The following ASTN2 variants were observed in gnomAD, a reference collection of about 807,000 sequenced individuals.
ASTN2 encodes astrotactin 2.
ASTN2 carries 54 observed loss-of-function variants against 139.8 expected under a neutral mutation model. The observed-to-expected ratio is 0.39, with a 90% CI of 0.31 to 0.48. The LOEUF (loss-of-function observed/expected upper bound fraction) is 0.48. Ranked by LOEUF, ASTN2 falls within the 20% of genes least tolerant of loss-of-function variation. The probability of loss-of-function intolerance (pLI) is 0.95; values close to 1 mark genes in which losing one functional copy is unlikely to be tolerated. For missense variants in ASTN2, 1,565 were observed against 1,725.1 expected (o/e 0.91, Z 1.64); for synonymous variants, 756 against 719.5 (o/e 1.05, Z -0.81).
chr9:117,016,602 ATCTATATCTATATCTATCTATC>A (rs1355630316), intron 6 of ASTN2, among the ~76,000 whole-genome samples: 6,489 of 35,000 alleles, frequency 0.19, 684 homozygotes, highest in Middle Eastern at 0.23. Flanking sequence ...TTATATATAT[ATCTATATCTATATCTATCTATC>A]TATATATATA....
At chr9:116,648,689 T>G (rs1021410035) in intron 17 of ASTN2, among the ~76,000 whole-genome samples, 1 of 152,160 alleles carries the variant, frequency 6.6e-6, no homozygotes, top group Admixed American at 6.6e-5. Context: ...GCTAGTTAGT[T>G]TTAATAAACT....
intron 13 of ASTN2, among the ~76,000 whole-genome samples, chr9:116,775,170 G>A (rs1286905310): frequency 1.3e-5 from 2 of 152,016 alleles, no homozygotes; most frequent in East Asian, 3.9e-4. Flanking sequence ...TAAACAAGGA[G>A]CTCCAGGCCC....
At chr9:116,886,313 A>G (rs937402325) in intron 10 of ASTN2, among the ~76,000 whole-genome samples, 2 of 152,252 alleles carry the variant, frequency 1.3e-5, no homozygotes, top group Non-Finnish European at 2.9e-5. Context: ...AGTACCTCAA[A>G]GGCAGACTGC....
intron 7 of ASTN2, among the ~76,000 whole-genome samples, chr9:116,998,549 T>TCATCCATCCATCCATCCATCCATC (rs35712923): frequency 0.034 from 5,175 of 150,616 alleles, 210 homozygotes; most frequent in African/African-American, 0.094. Context: ...AATTTGATTT[T>TCATCCATCCATCCATCCATCCATC]CATCCATCCA....
chr9:116,956,099 T>C (rs927247851), intron 10 of ASTN2, among the ~76,000 whole-genome samples: 34 of 146,658 alleles, frequency 2.3e-4, no homozygotes, highest in African/African-American at 6.9e-4. Flanking sequence ...CTTTTCTTTT[T>C]TTTTTTTTTT....
intron 19 of ASTN2, among the ~76,000 whole-genome samples, chr9:116,511,476 T>C (rs1479246036): frequency 6.6e-6 from 1 of 152,202 alleles, no homozygotes; most frequent in Admixed American, 6.5e-5. Flanking sequence ...TTTTTTGTTG[T>C]GTCTCTGCCA....
intron 1 of ASTN2, among the ~76,000 whole-genome samples, chr9:117,377,077 T>C (rs768435935): frequency 1.3e-5 from 2 of 152,126 alleles, no homozygotes; most frequent in Admixed American, 6.5e-5. Flanking sequence ...ATAAATGCAA[T>C]GCATTATTCA....
At chr9:117,278,527 C>T (rs747471288) in intron 2 of ASTN2, among the ~76,000 whole-genome samples, 8 of 152,134 alleles carry the variant, frequency 5.3e-5, no homozygotes, top group Non-Finnish European at 1.0e-4. Flanking sequence ...CTGCCTAACC[C>T]CTTCCCCCTC....
intron 13 of ASTN2, among the ~76,000 whole-genome samples, chr9:116,743,513 T>C (rs971457031): frequency 6.6e-6 from 1 of 151,208 alleles, no homozygotes; most frequent in African/African-American, 2.4e-5. Flanking sequence ...GCCGAGATCA[T>C]GCCGCTGCAC....
At chr9:116,947,413 G>A (rs1043768842) in intron 10 of ASTN2, among the ~76,000 whole-genome samples, 3 of 152,162 alleles carry the variant, frequency 2.0e-5, no homozygotes, top group Non-Finnish European at 4.4e-5. Context: ...ATCTCACTGA[G>A]TAATTTATGT....
At chr9:117,362,298 G>A (rs1172249054) in intron 1 of ASTN2, among the ~76,000 whole-genome samples, 1 of 152,066 alleles carries the variant, frequency 6.6e-6, no homozygotes, top group Non-Finnish European at 1.5e-5. Flanking sequence ...CTTTGAGACA[G>A]TTCCCATGCT....
At chr9:116,899,564 C>T (rs1421506449) in intron 10 of ASTN2, among the ~76,000 whole-genome samples, 1 of 152,182 alleles carries the variant, frequency 6.6e-6, no homozygotes, top group Non-Finnish European at 1.5e-5. Context: ...ACATAACCAA[C>T]TCCATCTTGC....
chr9:116,427,618 A>G (rs1230539145), intron 22 of ASTN2, among the ~76,000 whole-genome samples: 3 of 152,170 alleles, frequency 2.0e-5, no homozygotes, highest in Non-Finnish European at 2.9e-5. Context: ...ACAACAACAG[A>G]CCCCACAAAT....
intron 10 of ASTN2, among the ~76,000 whole-genome samples, chr9:116,899,475 G>T (rs1045838958): frequency 2.0e-5 from 3 of 152,006 alleles, no homozygotes; most frequent in African/African-American, 7.3e-5. Context: ...AAATAATAAT[G>T]ATCATGAACC....
intron 19 of ASTN2, among the ~76,000 whole-genome samples, chr9:116,496,240 T>C (rs1272993799): frequency 6.6e-6 from 1 of 152,222 alleles, no homozygotes; most frequent in African/African-American, 2.4e-5. Context: ...ATTTGTTCAC[T>C]TAGAATGGTG....
chr9:116,429,166 C>T (rs1472924068), intron 22 of ASTN2, among the ~76,000 whole-genome samples: 1 of 151,910 alleles, frequency 6.6e-6, no homozygotes, highest in Non-Finnish European at 1.5e-5. Flanking sequence ...TGGTGAAACG[C>T]TGTGTCTACT....
At chr9:116,479,342 C>G (rs1259791223) in intron 20 of ASTN2, among the ~76,000 whole-genome samples, 1 of 152,156 alleles carries the variant, frequency 6.6e-6, no homozygotes, top group East Asian at 1.9e-4. Context: ...GGGATTTCAT[C>G]TAATATATAA....
chr9:116,727,642 T>C (rs1458282625), intron 15 of ASTN2, among the ~76,000 whole-genome samples: 2 of 152,150 alleles, frequency 1.3e-5, no homozygotes, highest in Non-Finnish European at 2.9e-5. Flanking sequence ...AATAACGAGA[T>C]GGTTTCTGTT....
intron 19 of ASTN2, among the ~76,000 whole-genome samples, chr9:116,502,134 T>C (rs1216673049): frequency 6.8e-6 from 1 of 146,430 alleles, no homozygotes; most frequent in African/African-American, 2.5e-5. Context: ...GAGAGGTAGA[T>C]TTCCAAATGT....
Sources: allele counts gnomAD v4.1 joint callset (sites outside exome capture counted in the v4.1 genomes callset), GRCh38; gene constraint gnomAD v4.1.1; transcripts MANE v1.5; gene names NCBI Gene and HGNC (gene_info 2026-07-23, HGNC 2026-07-21).